Variants in GUCA1B observed in about 807,000 individuals in gnomAD.
GUCA1B encodes guanylate cyclase activator 1B.
GUCA1B carries 22 observed loss-of-function variants against 24.2 expected under a neutral mutation model. The ratio of observed to expected loss-of-function variants is 0.91; its 90% CI spans 0.65 to 1.30. GUCA1B has a LOEUF of 1.30. Ranked by LOEUF, GUCA1B falls within the 50% of genes most tolerant of loss-of-function variation. The probability of loss-of-function intolerance (pLI) is 0.00; values close to 1 mark genes in which losing one functional copy is unlikely to be tolerated. For synonymous variants in GUCA1B, 100 were observed against 97.9 expected (o/e 1.02, Z -0.13); for missense variants, 221 against 258.8 (o/e 0.85, Z 1.00).
chr6:42,194,551 G>T (rs532514550), intron 1 of GUCA1B, 63 bp downstream of exon 1: 1 of 996,872 alleles, frequency 1.0e-6, no homozygotes, highest in East Asian at 2.4e-5. Flanking sequence ...TCTCCCTGAG[G>T]ACACTTGTGG....
At chr6:42,186,163 G>A (rs1160441690) in intron 2 of GUCA1B, among the ~76,000 whole-genome samples, 1 of 152,186 alleles carries the variant, frequency 6.6e-6, no homozygotes, top group Non-Finnish European at 1.5e-5. Context: ...AAAATTCAGT[G>A]TATCTATATA....
At chr6:42,188,872 T>A in intron 1 of GUCA1B, 141 bp from the exon 2 acceptor site, 1 of 682,324 alleles carries the variant, frequency 1.5e-6, no homozygotes, top group Non-Finnish European at 2.5e-6. Context: ...TCTCCACCCT[T>A]GGGGTAGAGA....
In GUCA1B at chr6:42,184,400, T is replaced by C; in HGVS notation, c.*415A>G. The C allele has an allele frequency of 3.4e-6, 1 of 293,560 alleles. No individual in the cohort carries two copies. Among genetic ancestry groups the C allele is most frequent in the Non-Finnish European group, 6.8e-6 (1 of 147,536 alleles). The allele number at this position is 293,560 out of a possible 1,614,324, so 18.2% of individuals were successfully genotyped here. ...GCCACCGTGCCCGGCAACTCCTGCC[T>C]TTTCTTCAGTCTCAACACCCTCCCA... On this transcript the variant is annotated 3_prime_UTR_variant, in exon 4 of 4. Coordinates refer to ENST00000230361, the MANE Select transcript of GUCA1B (RefSeq NM_002098.6).
intron 2 of GUCA1B, among the ~76,000 whole-genome samples, chr6:42,187,892 G>A (rs918713163): frequency 1.3e-5 from 2 of 151,600 alleles, no homozygotes; most frequent in African/African-American, 2.4e-5. Context: ...TGTTGCCCCA[G>A]CTGGAATGCA....
chr6:42,189,085 G>A (rs910957782), intron 1 of GUCA1B, among the ~76,000 whole-genome samples: 11 of 152,056 alleles, frequency 7.2e-5, no homozygotes, highest in African/African-American at 2.7e-4. Flanking sequence ...ACCCAGCCTA[G>A]AGAACATTCT....
rs57981170 is a variant in GUCA1B at position 42,188,902 on chromosome 6, A to ATCTATCTATCTATCTATCTATCTATC, written c.208-172_208-171insGATAGATAGATAGATAGATAGATAGA. On this transcript the variant is annotated intron_variant, in intron 1 of 3. Transcript: ENST00000230361. ...TAGAGAACATTCTATCTATCTATCT[A>ATCTATCTATCTATCTATCTATCTATC]TATCTATATCATCTCTCTCTCTCTC... Among the ~76,000 whole-genome samples, 432 of 114,662 alleles carry ATCTATCTATCTATCTATCTATCTATC rather than the reference A, an allele frequency of 3.8e-3. 7 individuals are homozygous for ATCTATCTATCTATCTATCTATCTATC. The highest frequency in any genetic ancestry group is 0.014 in the African/African-American group (411 of 28,626). 75.2% of individuals were successfully genotyped at this position (114,662 alleles called of 152,430 possible).
chr6:42,191,448 C>T (rs147780557), intron 1 of GUCA1B, among the ~76,000 whole-genome samples: 1 of 152,078 alleles, frequency 6.6e-6, no homozygotes, highest in Non-Finnish European at 1.5e-5. Flanking sequence ...CCGATTGTTC[C>T]GAAATGACAC....
intron 2 of GUCA1B, among the ~76,000 whole-genome samples, chr6:42,186,549 C>T (rs1040692273): frequency 2.0e-5 from 3 of 151,904 alleles, no homozygotes; most frequent in Non-Finnish European, 4.4e-5. Context: ...GCCGAGATTG[C>T]GCCACTGAAT....
chr6:42,184,295 G>C lies in GUCA1B; in HGVS notation c.*520C>G, dbSNP rs1442864232. 1.6e-5 allele frequency: 3 copies of C among 186,270 alleles called. No individual in the cohort carries two copies. The highest frequency in any genetic ancestry group is 3.4e-5 in the Non-Finnish European group (3 of 88,018). The allele number at this position is 186,270 out of a possible 1,614,324, so 11.5% of individuals were successfully genotyped here. A position where few individuals can be genotyped will look rare whatever the true frequency, so the allele number is the denominator to read the frequency against. On this transcript the variant is annotated 3_prime_UTR_variant, in exon 4 of 4. Transcript: ENST00000230361. ...TAGTAGAGACGGGGTTTCACCCCGT[G>C]TTAGCCAGGATGGTCTCGATCTCCT...
chr6:42,184,990 G>A (rs751513620), intron 3 of GUCA1B, 48 bp from the exon 4 acceptor site: 1 of 1,600,388 alleles, frequency 6.2e-7, no homozygotes, highest in East Asian at 2.2e-5. Flanking sequence ...GGGGAGACCT[G>A]GGTCTGGGGG....
chr6:42,183,951 C>G lies in GUCA1B; in HGVS notation c.*864G>C, dbSNP rs1461449426. On this transcript the variant is annotated 3_prime_UTR_variant, in exon 4 of 4. Coordinates refer to ENST00000230361, the MANE Select transcript of GUCA1B (RefSeq NM_002098.6). Reference sequence around the variant, plus strand: ...CCACAGCCTGCAGCGTATTTGCTGCCATTTTTCCTGTTGACACCACTGGTG... The same window carrying G: ...CCACAGCCTGCAGCGTATTTGCTGCGATTTTTCCTGTTGACACCACTGGTG... Among the ~76,000 whole-genome samples the G allele has an allele frequency of 6.6e-6, 1 of 152,124 alleles. No individual in the cohort carries two copies. The highest frequency in any genetic ancestry group is 1.5e-5 in the Non-Finnish European group (1 of 68,028).
chr6:42,188,936 TGA>T lies in GUCA1B; in HGVS notation c.208-207_208-206del, dbSNP rs1562063772. Among the ~76,000 whole-genome samples the T allele has an allele frequency of 1.7e-3, 178 of 103,822 alleles. 2 individuals carry two copies. The highest frequency in any genetic ancestry group is 8.4e-3 in the African/African-American group (168 of 20,056). 68.1% of individuals were successfully genotyped at this position (103,822 alleles called of 152,430 possible). On this transcript the variant is annotated intron_variant, in intron 1 of 3. Coordinates refer to ENST00000230361, the MANE Select transcript of GUCA1B (RefSeq NM_002098.6). ...TCATCTCTCTCTCTCTCTCTCTATC[TGA>T]CTATCTATCATCTGTCTATTTATTT... is the stretch of plus-strand genomic sequence containing the variant.
chr6:42,191,759 G>A (rs13219565), intron 1 of GUCA1B, among the ~76,000 whole-genome samples: 8,829 of 152,172 alleles, frequency 0.058, 349 homozygotes, highest in Admixed American at 0.11. Flanking sequence ...GTTGAAACAT[G>A]GCAGATACCA....
chr6:42,183,981 T>C lies in GUCA1B; in HGVS notation c.*834A>G, dbSNP rs1340444055. Among the ~76,000 whole-genome samples, 1 of 152,138 alleles carries C rather than the reference T, an allele frequency of 6.6e-6. No individual in the cohort carries two copies. Among genetic ancestry groups the C allele is most frequent in the African/African-American group, 2.4e-5 (1 of 41,418 alleles). ...TTCCTGTTGACACCACTGGTGAGGA[T>C]GCCTTGGGGAGGAGGAGGCCAGGGT... On this transcript the variant is annotated 3_prime_UTR_variant, in exon 4 of 4. Coordinates refer to ENST00000230361, the MANE Select transcript of GUCA1B (RefSeq NM_002098.6).
At position 42,184,828 on chromosome 6, in the gene GUCA1B, C is replaced by T. The variant is rs1768165102; in HGVS notation, c.590G>A (p.Ser197Asn). ...SSWLAQQRRK[S>N]AMF is the part of the protein sequence containing the mutation. The stretch of plus-strand genomic sequence containing the variant: ...GCCCCAGACTCCTCAGAACATGGCA[C>T]TTTTCCGTCTCTGCTGAGCGAGCCA... The change falls in exon 4 of 4, where the codon AGT (serine) becomes AAT (asparagine). Residue 197 changes from serine (S) to asparagine (N), a missense_variant. Transcript: ENST00000230361. 5 of 1,614,012 alleles carry T rather than the reference C, an allele frequency of 3.1e-6. No homozygotes were observed. The African/African-American group carries it at 6.7e-5, about 22-fold the overall frequency.
chr6:42,190,306 ATTCTCATGTAACATT>A (rs1768283414), intron 1 of GUCA1B, among the ~76,000 whole-genome samples: 1 of 150,938 alleles, frequency 6.6e-6, no homozygotes, highest in South Asian at 2.1e-4. Context: ...TGTTTCCTTC[ATTCTCATGTAACATT>A]TTCTCATGTC....
In GUCA1B at chr6:42,194,791, C is replaced by T. The variant is rs760369977; in HGVS notation, c.30G>A (p.Ala10=). 1.4e-5 allele frequency: 22 copies of T among 1,578,366 alleles called. No homozygotes were observed. The highest frequency in any genetic ancestry group is 5.7e-5 in the South Asian group (5 of 87,138). MGQEFSWEE[A]EAAGEIDVAE... is the part of the protein sequence containing the mutation. ...CCACATCTATCTCGCCAGCTGCCTC[C>T]GCCTCCTCCCAGCTAAACTCCTGCC... The change falls in exon 1 of 4, where the codon GCG becomes GCA. Residue 10 remains alanine (A), a synonymous_variant. Transcript: ENST00000230361.
chr6:42,185,055 C>T, intron 3 of GUCA1B, 113 bp from the exon 4 acceptor site: 2 of 969,926 alleles, frequency 2.1e-6, no homozygotes, highest in East Asian at 2.4e-5. Context: ...GCCAACTATC[C>T]TGCAGTCTCA....
intron 2 of GUCA1B, among the ~76,000 whole-genome samples, chr6:42,187,418 C>CCT (rs1554187028): frequency 2.9e-4 from 37 of 129,578 alleles, no homozygotes; most frequent in African/African-American, 7.6e-4. Flanking sequence ...GTTTATTTTA[C>CCT]TTTTTTTTTT....
Sources: gnomAD v4.1 joint callset for allele counts (sites outside exome capture counted in the v4.1 genomes callset) on GRCh38, gnomAD v4.1.1 for gene constraint, MANE v1.5 for transcripts, NCBI Gene and HGNC (gene_info 2026-07-23, HGNC 2026-07-21) for gene names.